The following IMMP2L variants were observed in gnomAD, a reference collection of about 807,000 sequenced individuals.
The protein encoded by IMMP2L is mitochondrial inner membrane protease subunit 2.
In IMMP2L, 18 loss-of-function variants were observed where a neutral mutation model predicts 19.3. That is an observed-to-expected ratio of 0.93 (90% CI 0.64 to 1.38). The LOEUF is 1.38. IMMP2L is among the 40% of genes most tolerant of loss of function. The probability of loss-of-function intolerance (pLI) is 0.00; values close to 1 mark genes in which losing one functional copy is unlikely to be tolerated. For synonymous variants in IMMP2L, 76 were observed against 73.0 expected (o/e 1.04, Z -0.21); for missense variants, 233 against 218.2 (o/e 1.07, Z -0.43).
rs1192178860 is a variant in IMMP2L, at chr7:111,539,188, GAAGGAGGGAGAA to G, written c.-2-17751_-2-17740del. ...GGAAGGAAGGAAGGAAGGAAGGAAG[GAAGGAGGGAGAA>G]AGAAAGAAAGAAAGAAAGAAAGAAA... is the stretch of plus-strand genomic sequence containing the variant. On this transcript the variant is annotated intron_variant, in intron 1 of 5. Coordinates refer to ENST00000405709, the MANE Select transcript of IMMP2L (RefSeq NM_032549.4). Among the ~76,000 whole-genome samples, 315 of 69,046 alleles carry G rather than the reference GAAGGAGGGAGAA, an allele frequency of 4.6e-3. 17 individuals are homozygous for G. The highest frequency in any genetic ancestry group is 9.5e-3 in the African/African-American group (135 of 14,200). 45.3% of individuals were successfully genotyped at this position (69,046 alleles called of 152,430 possible).
intron 1 of IMMP2L, among the ~76,000 whole-genome samples, chr7:111,542,922 G>C (rs1050937703): frequency 3.9e-5 from 6 of 152,046 alleles, no homozygotes; most frequent in Non-Finnish European, 8.8e-5. Flanking sequence ...TGAAACAAAA[G>C]AAACATAAAA....
intron 3 of IMMP2L, among the ~76,000 whole-genome samples, chr7:111,171,257 C>G (rs577917646): frequency 1.8e-4 from 27 of 151,756 alleles, no homozygotes; most frequent in Non-Finnish European, 3.5e-4. Flanking sequence ...ATGTGGCATA[C>G]ATTTACATTT....
intron 3 of IMMP2L, among the ~76,000 whole-genome samples, chr7:111,477,769 A>G (rs1375280680): frequency 6.6e-6 from 1 of 152,036 alleles, no homozygotes; most frequent in African/African-American, 2.4e-5. Context: ...GTGGTGGTGC[A>G]TGCCTATAAT....
intron 1 of IMMP2L, among the ~76,000 whole-genome samples, chr7:111,551,642 G>C (rs954148648): frequency 1.3e-5 from 2 of 151,662 alleles, no homozygotes; most frequent in Non-Finnish European, 2.9e-5. Context: ...GGCAAATCAG[G>C]GACCTATAAG....
intron 5 of IMMP2L, among the ~76,000 whole-genome samples, chr7:110,822,588 A>G (rs1159872166): frequency 6.6e-6 from 1 of 152,150 alleles, no homozygotes; most frequent in African/African-American, 2.4e-5. Context: ...ATTCCTGAAT[A>G]TAGTACCTTT....
chr7:111,349,649 G>A (rs1398729028), intron 3 of IMMP2L, among the ~76,000 whole-genome samples: 1 of 152,096 alleles, frequency 6.6e-6, no homozygotes, highest in African/African-American at 2.4e-5. Flanking sequence ...TAGTCAGGTG[G>A]TACCAGCAAG....
intron 2 of IMMP2L, among the ~76,000 whole-genome samples, chr7:111,504,341 G>A (rs79715516): frequency 0.66 from 100,164 of 151,712 alleles, 33,929 homozygotes; most frequent in African/African-American, 0.8. Flanking sequence ...CAAATGGAAG[G>A]GCATTCCATG....
chr7:110,695,459 T>C (rs762004351), intron 5 of IMMP2L, among the ~76,000 whole-genome samples: 52 of 152,174 alleles, frequency 3.4e-4, no homozygotes, highest in Non-Finnish European at 7.1e-4. Flanking sequence ...CCCAAAGTGC[T>C]GGGATTACAG....
At chr7:111,144,223 T>C (rs1194647563) in intron 3 of IMMP2L, among the ~76,000 whole-genome samples, 1 of 152,154 alleles carries the variant, frequency 6.6e-6, no homozygotes, top group African/African-American at 2.4e-5. Flanking sequence ...TAACTGCAAG[T>C]TCCTCTTCCT....
intron 4 of IMMP2L, among the ~76,000 whole-genome samples, chr7:110,903,348 A>C (rs1382857378): frequency 6.6e-6 from 1 of 152,112 alleles, no homozygotes; most frequent in African/African-American, 2.4e-5. Flanking sequence ...CAGATTTCTG[A>C]ATTTCTAGAT....
intron 3 of IMMP2L, among the ~76,000 whole-genome samples, chr7:111,194,946 T>C (rs1045728751): frequency 1.3e-5 from 2 of 152,142 alleles, no homozygotes; most frequent in East Asian, 3.8e-4. Flanking sequence ...ATTTTACTTA[T>C]CGTTTTCATA....
chr7:111,167,671 T>G (rs1311993766), intron 3 of IMMP2L, among the ~76,000 whole-genome samples: 1 of 151,886 alleles, frequency 6.6e-6, no homozygotes, highest in Non-Finnish European at 1.5e-5. Flanking sequence ...TAAGGGAGAA[T>G]CAAGTATTAG....
chr7:110,844,771 G>A (rs1805508057), intron 5 of IMMP2L, among the ~76,000 whole-genome samples: 1 of 151,744 alleles, frequency 6.6e-6, no homozygotes, highest in South Asian at 2.1e-4. Flanking sequence ...TGGCAAGGAT[G>A]GACAGTTTCT....
At chr7:110,820,696 T>C (rs1460646170) in intron 5 of IMMP2L, among the ~76,000 whole-genome samples, 2 of 152,062 alleles carry the variant, frequency 1.3e-5, no homozygotes, top group African/African-American at 4.8e-5. Flanking sequence ...TGTTATTGTC[T>C]ATAAGGCATA....
chr7:111,313,009 A>C (rs532440559), intron 3 of IMMP2L, among the ~76,000 whole-genome samples: 5 of 152,208 alleles, frequency 3.3e-5, no homozygotes, highest in Non-Finnish European at 4.4e-5. Context: ...TGAGGGTGCT[A>C]CCCCACTAGG....
chr7:111,338,336 T>C (rs1434438665), intron 3 of IMMP2L, among the ~76,000 whole-genome samples: 4 of 151,926 alleles, frequency 2.6e-5, no homozygotes, highest in African/African-American at 7.3e-5. Context: ...CTCCCCCCCT[T>C]TTTTTGCTAT....
chr7:110,878,197 A>G (rs1346108997), intron 5 of IMMP2L, among the ~76,000 whole-genome samples: 1 of 152,118 alleles, frequency 6.6e-6, no homozygotes, highest in Non-Finnish European at 1.5e-5. Context: ...TATTCACCAC[A>G]GTTGTGCATG....
At chr7:111,411,013 T>C (rs1834358574) in intron 3 of IMMP2L, among the ~76,000 whole-genome samples, 1 of 136,408 alleles carries the variant, frequency 7.3e-6, no homozygotes, top group South Asian at 2.2e-4. Context: ...ATAAACAATA[T>C]CAGCCTACAA....
chr7:111,208,740 T>C (rs1455432834), intron 3 of IMMP2L, among the ~76,000 whole-genome samples: 1 of 152,124 alleles, frequency 6.6e-6, no homozygotes, highest in Non-Finnish European at 1.5e-5. Flanking sequence ...CAAGGATTGG[T>C]CTGGTGCAAT....
Sources: gnomAD v4.1 joint callset for allele counts (sites outside exome capture counted in the v4.1 genomes callset) on GRCh38, gnomAD v4.1.1 for gene constraint, MANE v1.5 for transcripts, NCBI Gene and HGNC (gene_info 2026-07-23, HGNC 2026-07-21) for gene names.